ADAMTSL1: variants seen among roughly 807,000 people sequenced by gnomAD.
ADAMTSL1 encodes the protein ADAMTS-like protein 1.
A neutral mutation model predicts 201.8 loss-of-function variants in ADAMTSL1; 126 were observed. That is an observed-to-expected ratio of 0.62 (90% CI 0.54 to 0.72). The LOEUF (loss-of-function observed/expected upper bound fraction) is 0.72, where lower values mean the gene tolerates loss of function less well. Among genes scored for constraint, ADAMTSL1 ranks in the 30% least tolerant of loss-of-function variants. The pLI is 0.00. For missense variants in ADAMTSL1, 2,679 were observed against 2,277.8 expected, an observed-to-expected ratio of 1.18 and a Z score of -3.59; for synonymous variants, 1,121 against 903.4, an observed-to-expected ratio of 1.24 and a Z score of -4.32.
intron 16 of ADAMTSL1, among the ~76,000 whole-genome samples, chr9:18,764,329 G>A (rs2133682375): frequency 6.6e-6 from 1 of 152,288 alleles, no homozygotes; most frequent in East Asian, 1.9e-4. Flanking sequence ...ATTTTGGTAT[G>A]TTGATTTTGT....
At chr9:18,460,098 T>C (rs564337590) in intron 2 of ADAMTSL1, among the ~76,000 whole-genome samples, 1 of 152,188 alleles carries the variant, frequency 6.6e-6, no homozygotes, top group Admixed American at 6.5e-5. Flanking sequence ...CTGTTGGCAC[T>C]CTCATTGCAG....
Position 18,795,469 on chromosome 9 carries a change from C to T in ADAMTSL1, c.3750C>T (p.Cys1250=), listed in dbSNP as rs555992283. 4.3e-5 allele frequency: 70 copies of T among 1,613,878 alleles called. No homozygotes were observed. The East Asian group carries it at 1.2e-3, about 27-fold the overall frequency. ...PVEADVGFYT[C]NATNALGYDS... is the part of the protein sequence containing the mutation. ...AAGCAGATGTGGGTTTCTACACTTG[C>T]AATGCCACCAATGCCTTGGGATACG... The change falls in exon 20 of 29, where the codon TGC becomes TGT. Residue 1250 remains cysteine (C), a synonymous_variant. Transcript: ENST00000380548.
rs1314155205 is a variant in ADAMTSL1 at position 18,828,668 on chromosome 9, A to T, written c.4115-1175A>T. On this transcript the variant is annotated intron_variant, in intron 22 of 28. Transcript: ENST00000380548. ...TTCTTTTGAAAGTATATTTATATAT[A>T]TATATATATATATATATATATATAT... 8.6e-4 allele frequency among the ~76,000 whole-genome samples: 67 copies of T among 78,282 alleles called. 3 individuals are homozygous for T. The highest frequency in any genetic ancestry group is 3.9e-3 in the African/African-American group (60 of 15,576). 51.4% of individuals were successfully genotyped at this position (78,282 alleles called of 152,430 possible).
chr9:18,629,016 C>A (rs915450593), intron 5 of ADAMTSL1, among the ~76,000 whole-genome samples: 2 of 152,066 alleles, frequency 1.3e-5, no homozygotes, highest in African/African-American at 4.8e-5. Context: ...GGAGTTACTG[C>A]GCTTGGCTTG....
chr9:18,141,887 T>C (rs1407032547), intron 1 of ADAMTSL1, among the ~76,000 whole-genome samples: 1 of 152,224 alleles, frequency 6.6e-6, no homozygotes, highest in African/African-American at 2.4e-5. Context: ...TGTGCAGCTG[T>C]GGTCAAGTGA....
At position 18,906,025 on chromosome 9, in the gene ADAMTSL1, C is replaced by G. The variant is rs905785970; in HGVS notation, c.4961+134C>G. On this transcript the variant is annotated intron_variant, in intron 27 of 28. Transcript: ENST00000380548. ...TGCCTGGGACTCCATCTCCATTCAC[C>G]GCAAGCCACTGGCCTCCCCAGAGGC... 6.6e-6 allele frequency: 5 copies of G among 763,314 alleles called. No homozygotes were observed. The African/African-American group carries it at 8.7e-5, about 13-fold the overall frequency. The allele number at this position is 763,314 out of a possible 1,614,324, so 47.3% of individuals were successfully genotyped here.
intron 2 of ADAMTSL1, among the ~76,000 whole-genome samples, chr9:18,230,739 T>G (rs1830617627): frequency 6.6e-6 from 1 of 152,204 alleles, no homozygotes; most frequent in Non-Finnish European, 1.5e-5. Context: ...TAAACATTAT[T>G]ATAATTAATT....
intron 1 of ADAMTSL1, among the ~76,000 whole-genome samples, chr9:18,030,601 A>T (rs972579055): frequency 9.9e-5 from 15 of 152,186 alleles, no homozygotes; most frequent in Admixed American, 7.2e-4. Flanking sequence ...ACCTTGAAAA[A>T]GTCGGATGAC....
intron 1 of ADAMTSL1, among the ~76,000 whole-genome samples, chr9:18,113,267 G>A (rs186641592): frequency 6.6e-6 from 1 of 152,280 alleles, no homozygotes; most frequent in East Asian, 1.9e-4. Flanking sequence ...AATGACAGTG[G>A]CAGTGGTTTT....
intron 2 of ADAMTSL1, among the ~76,000 whole-genome samples, chr9:18,170,668 G>A (rs1198662805): frequency 6.6e-6 from 1 of 151,970 alleles, no homozygotes; most frequent in Non-Finnish European, 1.5e-5. Flanking sequence ...GAAAGAAAAA[G>A]CCTGGATTGT....
At chr9:18,013,961 G>A (rs1400974739) in intron 1 of ADAMTSL1, among the ~76,000 whole-genome samples, 1 of 151,984 alleles carries the variant, frequency 6.6e-6, no homozygotes, top group Non-Finnish European at 1.5e-5. Context: ...GAACCTGGGG[G>A]CAGTTCCTTA....
chr9:18,067,428 C>T (rs1452135218), intron 1 of ADAMTSL1, among the ~76,000 whole-genome samples: 1 of 152,174 alleles, frequency 6.6e-6, no homozygotes, highest in African/African-American at 2.4e-5. Flanking sequence ...GGGCCTTTTG[C>T]CATATTATGA....
chr9:18,211,332 T>C (rs1386552174), intron 2 of ADAMTSL1, among the ~76,000 whole-genome samples: 3 of 152,178 alleles, frequency 2.0e-5, no homozygotes, highest in African/African-American at 7.2e-5. Context: ...CTCCATTTTT[T>C]CCCTATTCCA....
chr9:18,595,922 G>A (rs922210639), intron 4 of ADAMTSL1, among the ~76,000 whole-genome samples: 1 of 152,194 alleles, frequency 6.6e-6, no homozygotes, highest in Admixed American at 6.5e-5. Flanking sequence ...TAGGTCATGG[G>A]CTCTGCTAGG....
At chr9:18,280,926 A>G (rs1363288274) in intron 2 of ADAMTSL1, among the ~76,000 whole-genome samples, 1 of 149,390 alleles carries the variant, frequency 6.7e-6, no homozygotes, top group Non-Finnish European at 1.5e-5. Flanking sequence ...CCCAGACTGA[A>G]GTGCGGTGGC....
chr9:18,325,312 A>T (rs1834787377), intron 2 of ADAMTSL1, among the ~76,000 whole-genome samples: 1 of 152,226 alleles, frequency 6.6e-6, no homozygotes, highest in Non-Finnish European at 1.5e-5. Context: ...AGTTTTGTTC[A>T]AGCCAGCCTA....
intron 23 of ADAMTSL1, among the ~76,000 whole-genome samples, chr9:18,849,392 A>G (rs544991245): frequency 6.6e-6 from 1 of 152,342 alleles, no homozygotes; most frequent in East Asian, 1.9e-4. Context: ...GTGATAATGC[A>G]AACAATGACA....
At chr9:18,532,415 G>T (rs1028190957) in intron 2 of ADAMTSL1, among the ~76,000 whole-genome samples, 2 of 151,910 alleles carry the variant, frequency 1.3e-5, no homozygotes, top group Non-Finnish European at 2.9e-5. Flanking sequence ...GCACAAAGAT[G>T]GTTTACCATA....
At chr9:18,843,109 G>C (rs1243177686) in intron 23 of ADAMTSL1, among the ~76,000 whole-genome samples, 1 of 151,028 alleles carries the variant, frequency 6.6e-6, no homozygotes, top group Non-Finnish European at 1.5e-5. Context: ...CTCGTTAGTT[G>C]ATGCAGTTTC....
Sources: gnomAD v4.1 joint callset for allele counts (sites outside exome capture counted in the v4.1 genomes callset) on GRCh38, gnomAD v4.1.1 for gene constraint, MANE v1.5 for transcripts, NCBI Gene and HGNC (gene_info 2026-07-23, HGNC 2026-07-21) for gene names.